KPNA7: variants seen among roughly 807,000 people sequenced by gnomAD.
KPNA7 encodes the protein karyopherin subunit alpha 7, also known as importin subunit alpha-8.
A neutral mutation model predicts 53.7 loss-of-function variants in KPNA7; 54 were observed. The ratio of observed to expected loss-of-function variants is 1.01; its 90% CI spans 0.81 to 1.26. The LOEUF is 1.26. Ranked by LOEUF, KPNA7 falls within the 50% of genes most tolerant of loss-of-function variation. The pLI is 0.00. For synonymous variants in KPNA7, 276 were observed against 259.3 expected (o/e 1.06, Z -0.62); for missense variants, 640 against 644.5 (o/e 0.99, Z 0.07).
the KPNA7 span, among the ~76,000 whole-genome samples, chr7:99,159,862 T>A: frequency 6.6e-6 from 1 of 152,146 alleles, no homozygotes; most frequent in Admixed American, 6.6e-5. Context: ...AATACGTCAT[T>A]TAAGTCTAAA....
In KPNA7 at chr7:99,173,746, A is replaced by T; in HGVS notation, c.1513T>A (p.Tyr505Asn). 6.4e-7 allele frequency: 1 copy of T among 1,551,746 alleles called. No homozygotes were observed. Residue 505 changes from tyrosine (Y) to asparagine (N), a missense_variant, in exon 11 of 11, where the codon TAT becomes AAT. Physicochemically the swap from Tyr to Asn is moderately radical, Grantham distance 143. Coordinates refer to ENST00000327442, the MANE Select transcript of KPNA7 (RefSeq NM_001145715.3). ...TLLSQVIDQDYEFIDYECLAK... is the reference protein window; with the variant it reads ...TLLSQVIDQDNEFIDYECLAK... ...AAGCATTCATAATCTATAAATTCATAATCTTGGTCTATGACTTGGCTCAGT... is the reference window on the plus strand; with the variant it reads ...AAGCATTCATAATCTATAAATTCATTATCTTGGTCTATGACTTGGCTCAGT...
At chr7:99,203,002 A>G in intron 3 of KPNA7, 104 bp downstream of exon 3, 1 of 1,399,464 alleles carries the variant, frequency 7.1e-7, no homozygotes, top group Non-Finnish European at 9.7e-7. Context: ...TTAAAAGCCC[A>G]AAACGAGAGT....
At chr7:99,146,337 T>C in the KPNA7 span, among the ~76,000 whole-genome samples, 3 of 152,178 alleles carry the variant, frequency 2.0e-5, no homozygotes, top group Non-Finnish European at 2.9e-5. Flanking sequence ...TTTTGTTCAT[T>C]CATTAACAAG....
intron 3 of KPNA7, among the ~76,000 whole-genome samples, chr7:99,202,417 G>A (rs553037262): frequency 6.6e-6 from 1 of 152,284 alleles, no homozygotes; most frequent in African/African-American, 2.4e-5. Context: ...AGGGAAGACA[G>A]GACAGAAGTC....
the KPNA7 span, among the ~76,000 whole-genome samples, chr7:99,150,235 A>G: frequency 3.1e-4 from 47 of 151,432 alleles, no homozygotes; most frequent in African/African-American, 1.1e-3. Context: ...AGCTGAGATT[A>G]CAGGCGCATG....
intron 5 of KPNA7, 121 bp downstream of exon 5, chr7:99,194,949 T>C: frequency 3.3e-6 from 4 of 1,206,302 alleles, no homozygotes; most frequent in Non-Finnish European, 4.6e-6. Flanking sequence ...TGCCAGCACT[T>C]CTAGGTATTT....
chr7:99,192,700 T>C (rs191497670), intron 6 of KPNA7, among the ~76,000 whole-genome samples: 2 of 152,216 alleles, frequency 1.3e-5, no homozygotes, highest in Admixed American at 6.5e-5. Context: ...TGAGCCACCA[T>C]GCCCAGTCTT....
intron 3 of KPNA7, among the ~76,000 whole-genome samples, chr7:99,199,985 A>G (rs1172945593): frequency 6.6e-6 from 1 of 152,112 alleles, no homozygotes; most frequent in African/African-American, 2.4e-5. Flanking sequence ...CAGTGGCACA[A>G]TCTCAGCTCA....
chr7:99,197,407 A>G (rs1034011795), intron 3 of KPNA7, among the ~76,000 whole-genome samples: 3 of 152,210 alleles, frequency 2.0e-5, no homozygotes, highest in African/African-American at 7.2e-5. Context: ...CACTATTTTA[A>G]ATGACTAGTT....
upstream of KPNA7, among the ~76,000 whole-genome samples, chr7:99,209,105 T>C (rs1023095562): frequency 6.6e-6 from 1 of 152,002 alleles, no homozygotes; most frequent in South Asian, 2.1e-4. Context: ...TGAGCTGAGA[T>C]TGCGCCACTG....
At position 99,185,075 on chromosome 7, in the gene KPNA7, G is replaced by A; in HGVS notation, c.988C>T (p.Leu330Phe). 1 of 1,551,924 alleles carries A rather than the reference G, an allele frequency of 6.4e-7. No homozygotes were observed. The highest frequency in any genetic ancestry group is 8.7e-7 in the Non-Finnish European group (1 of 1,147,054). Residue 330 changes from leucine to phenylalanine, a missense_variant, in exon 8 of 11, where the codon CTC becomes TTC. Transcript: ENST00000327442. ...MAIDAGMLNV[L>F]PQLLQHNKPS... ...TTGTTGTGTTGCAGGAGCTGGGGGA[G>A]CACGTTCAGCATACCCGCATCAATG...
At chr7:99,154,804 C>T in the KPNA7 span, among the ~76,000 whole-genome samples, 1 of 151,972 alleles carries the variant, frequency 6.6e-6, no homozygotes, top group Non-Finnish European at 1.5e-5. Context: ...GGATTACAGG[C>T]GTGAGTCTTG....
rs1554468292 is a variant in KPNA7, at chr7:99,195,308, A to C, written c.315T>G (p.Pro105=). 1.3e-6 allele frequency: 2 copies of C among 1,551,080 alleles called. No homozygotes were observed. Among genetic ancestry groups the C allele is most frequent in the South Asian group, 1.2e-5 (1 of 84,042 alleles). The change falls in exon 5 of 11, where the codon CCT becomes CCG. Residue 105 remains proline (P), a synonymous_variant. Coordinates refer to ENST00000327442, the MANE Select transcript of KPNA7 (RefSeq NM_001145715.3). The part of the protein sequence containing the change: ...RKMLSQEKNP[P]LKLVIEAGLI... ...GGCCCGCTTCAATGACCAGTTTCAG[A>C]GGGGGGTTCTTTTCCTGGGATAGCA...
rs61410237 is a variant in KPNA7, at chr7:99,205,410, C to CAA, written c.66+1989_66+1990dup. 4.8e-3 allele frequency among the ~76,000 whole-genome samples: 523 copies of CAA among 109,622 alleles called. 6 individuals carry two copies. The highest frequency in any genetic ancestry group is 0.018 in the African/African-American group (421 of 23,196). The allele number at this position is 109,622 out of a possible 152,430, so 71.9% of individuals were successfully genotyped here. On this transcript the variant is annotated intron_variant, in intron 2 of 10. Coordinates refer to ENST00000327442, the MANE Select transcript of KPNA7 (RefSeq NM_001145715.3). Reference sequence around the variant, plus strand: ...CTGGTGACAGAGCAAGACTCCATCTCAAAAAAAAAAAAAAAAAAAAAAAAA... The same window carrying CAA: ...CTGGTGACAGAGCAAGACTCCATCTCAAAAAAAAAAAAAAAAAAAAAAAAAAA...
chr7:99,218,430 G>A (rs1476904397), intron 1 of KPNA7, among the ~76,000 whole-genome samples: 1 of 152,150 alleles, frequency 6.6e-6, no homozygotes, highest in Non-Finnish European at 1.5e-5. Flanking sequence ...TCCTGAGAGG[G>A]GGCTGAATCG....
the KPNA7 span, among the ~76,000 whole-genome samples, chr7:99,160,983 C>T: frequency 6.6e-6 from 1 of 152,140 alleles, no homozygotes; most frequent in Non-Finnish European, 1.5e-5. Context: ...GCCTCAGCCT[C>T]CCGAGTAGCT....
At chr7:99,152,520 G>A in the KPNA7 span, among the ~76,000 whole-genome samples, 2 of 152,052 alleles carry the variant, frequency 1.3e-5, no homozygotes, top group African/African-American at 4.8e-5. Context: ...GATGATATGC[G>A]GAAAGTAACT....
At chr7:99,213,935 T>C (rs1003992695) in intron 1 of KPNA7, among the ~76,000 whole-genome samples, 2 of 152,094 alleles carry the variant, frequency 1.3e-5, no homozygotes, top group African/African-American at 4.8e-5. Flanking sequence ...TGCCCAGAAT[T>C]TTAGACATTT....
At chr7:99,180,747 C>CTCTCTCTCTCTCCCCGTCTGTGTG (rs1799164345) in intron 9 of KPNA7, among the ~76,000 whole-genome samples, 1 of 81,712 alleles carries the variant, frequency 1.2e-5, no homozygotes, top group African/African-American at 5.0e-5. Flanking sequence ...CTCCCCGTGT[C>CTCTCTCTCTCTCCCCGTCTGTGTG]TCTCTCTCTC....
Sources: allele counts gnomAD v4.1 joint callset (sites outside exome capture counted in the v4.1 genomes callset), GRCh38; gene constraint gnomAD v4.1.1; transcripts MANE v1.5; gene names NCBI Gene and HGNC (gene_info 2026-07-23, HGNC 2026-07-21).